Variants in FMN2 observed in about 807,000 individuals in gnomAD.
FMN2 encodes formin 2, also known as formin-2.
Under a neutral mutation model 142.3 loss-of-function variants are expected in FMN2, and 51 were observed. The observed-to-expected ratio is 0.36, with a 90% CI of 0.29 to 0.45. The LOEUF is 0.45. FMN2 is among the 20% of genes least tolerant of loss of function. The pLI is 1.00. For synonymous variants in FMN2, 882 were observed against 869.8 expected, an observed-to-expected ratio of 1.01 and a Z score of -0.25; for missense variants, 1,936 against 2,122.8, an observed-to-expected ratio of 0.91 and a Z score of 1.73.
intron 15 of FMN2, among the ~76,000 whole-genome samples, chr1:240,396,546 A>G (rs773930859): frequency 2.6e-5 from 4 of 151,946 alleles, no homozygotes; most frequent in Non-Finnish European, 5.9e-5. Flanking sequence ...TAGAATCTAA[A>G]TGGTTCTGTC....
rs1259612812 is a variant in FMN2 at position 240,413,120 on chromosome 1, C to CTCAAAAAAAAAAAAAAAAAA, written c.4910+20558_4910+20559insTCAAAAAAAAAAAAAAAAAA. Among the ~76,000 whole-genome samples, 2 of 24,566 alleles carry CTCAAAAAAAAAAAAAAAAAA rather than the reference C, an allele frequency of 8.1e-5. 1 individual carries two copies. Among genetic ancestry groups the CTCAAAAAAAAAAAAAAAAAA allele is most frequent in the African/African-American group, 2.3e-4 (2 of 8,612 alleles). The allele number at this position is 24,566 out of a possible 152,430, so 16.1% of individuals were successfully genotyped here. A position where few individuals can be genotyped will look rare whatever the true frequency, so the allele number is the denominator to read the frequency against. Reference sequence around the variant, plus strand: ...CCTGGGCGACAAAGCGAGACTCTGTCAAAAAAAAAAAAAAAAAAAAAAAAA... The same window carrying CTCAAAAAAAAAAAAAAAAAA: ...CCTGGGCGACAAAGCGAGACTCTGTCTCAAAAAAAAAAAAAAAAAAAAAAAAAAAAAAAAAAAAAAAAAAA... On this transcript the variant is annotated intron_variant, in intron 15 of 17. Transcript: ENST00000319653.
At chr1:240,474,075 AT>A in intron 17 of FMN2, 52 bp from the exon 18 acceptor site, 2 of 1,492,276 alleles carry the variant, frequency 1.3e-6, no homozygotes, top group Non-Finnish European at 1.8e-6. Context: ...AATTCTTTCC[AT>A]TTTTAAAAGT....
At chr1:240,382,423 G>A (rs1438736299) in intron 14 of FMN2, among the ~76,000 whole-genome samples, 2 of 152,158 alleles carry the variant, frequency 1.3e-5, no homozygotes, top group African/African-American at 4.8e-5. Context: ...CACTTTGGGA[G>A]GTCAAGGAGG....
rs1676902715 is a variant in FMN2 at position 240,474,291 on chromosome 1, A to G, written c.*137A>G. 1.3e-6 allele frequency: 1 copy of G among 762,552 alleles called. No individual in the cohort carries two copies. Among genetic ancestry groups the G allele is most frequent in the African/African-American group, 1.9e-5 (1 of 53,926 alleles). The allele number at this position is 762,552 out of a possible 1,614,324, so 47.2% of individuals were successfully genotyped here. A position where few individuals can be genotyped will look rare whatever the true frequency, so the allele number is the denominator to read the frequency against. The stretch of plus-strand genomic sequence containing the variant: ...CTTGCATAATCTTTTTGTTTTCTAG[A>G]CAGTTCACTAATTGTTGAATTTTAC... On this transcript the variant is annotated 3_prime_UTR_variant, in exon 18 of 18. Coordinates refer to ENST00000319653, the MANE Select transcript of FMN2 (RefSeq NM_020066.5).
At chr1:240,375,012 GTTA>G (rs1046068035) in intron 14 of FMN2, among the ~76,000 whole-genome samples, 3 of 152,264 alleles carry the variant, frequency 2.0e-5, no homozygotes, top group Non-Finnish European at 4.4e-5. Flanking sequence ...ACATTGTAGG[GTTA>G]TTAATTGGCC....
chr1:240,258,687 C>A (rs755798798), intron 7 of FMN2, among the ~76,000 whole-genome samples: 4 of 152,158 alleles, frequency 2.6e-5, no homozygotes, highest in Non-Finnish European at 4.4e-5. Context: ...TATTTTAATA[C>A]TTGGATTCTA....
chr1:240,332,098 A>G lies in FMN2; in HGVS notation c.4584+1349A>G, dbSNP rs144149308. ...TGCAATATTCTTTCATTGAGCATCT[A>G]TGGAATGTGGACACTGCTCTTCCAA... On this transcript the variant is annotated intron_variant, in intron 11 of 17. Transcript: ENST00000319653. Among the ~76,000 whole-genome samples the G allele has an allele frequency of 4.4e-4, 67 of 152,298 alleles. No homozygotes were observed. The East Asian group carries it at 0.012, about 27-fold the overall frequency.
intron 15 of FMN2, among the ~76,000 whole-genome samples, chr1:240,396,450 T>C (rs1673780583): frequency 6.6e-6 from 1 of 152,026 alleles, no homozygotes; most frequent in African/African-American, 2.4e-5. Flanking sequence ...AATCTTTTTT[T>C]TTTTTCTCTT....
At chr1:240,421,677 TATG>T (rs746513986) in intron 15 of FMN2, among the ~76,000 whole-genome samples, 133 of 152,336 alleles carry the variant, frequency 8.7e-4, no homozygotes, top group Non-Finnish European at 1.7e-3. Flanking sequence ...CATTTTTTAT[TATG>T]ACCAATAATT....
At chr1:240,167,479 TC>T (rs1664526575) in intron 2 of FMN2, among the ~76,000 whole-genome samples, 1 of 152,190 alleles carries the variant, frequency 6.6e-6, no homozygotes, top group Admixed American at 6.5e-5. Context: ...TCTCAGTTCA[TC>T]CTGGGGTTTA....
chr1:240,265,855 G>T (rs1668777813), intron 7 of FMN2, among the ~76,000 whole-genome samples: 1 of 151,230 alleles, frequency 6.6e-6, no homozygotes, highest in Admixed American at 6.6e-5. Flanking sequence ...ACCTATGTCT[G>T]TAGGCTTTGG....
At chr1:240,344,264 T>C (rs566074273) in intron 13 of FMN2, among the ~76,000 whole-genome samples, 1 of 152,350 alleles carries the variant, frequency 6.6e-6, no homozygotes, top group Admixed American at 6.5e-5. Flanking sequence ...GTGTTCTAGA[T>C]AGTAACTGTT....
At chr1:240,158,963 CA>C (rs1246924785) in intron 2 of FMN2, among the ~76,000 whole-genome samples, 3 of 151,884 alleles carry the variant, frequency 2.0e-5, no homozygotes, top group East Asian at 3.9e-4. Flanking sequence ...TATCTGGAAC[CA>C]ATAAGAAGAT....
chr1:240,437,538 G>C (rs1230973946), intron 15 of FMN2, among the ~76,000 whole-genome samples: 1 of 151,884 alleles, frequency 6.6e-6, no homozygotes, highest in Non-Finnish European at 1.5e-5. Context: ...TCCTGACCTC[G>C]TGATCCACCC....
chr1:240,168,852 T>G (rs1664587092), intron 2 of FMN2, among the ~76,000 whole-genome samples: 1 of 152,028 alleles, frequency 6.6e-6, no homozygotes, highest in South Asian at 2.1e-4. Flanking sequence ...CACTGTTTTT[T>G]TAAATAACAA....
intron 2 of FMN2, among the ~76,000 whole-genome samples, chr1:240,140,174 C>T (rs1663120866): frequency 6.6e-6 from 1 of 151,980 alleles, no homozygotes; most frequent in Admixed American, 6.6e-5. Flanking sequence ...AGTGTGTAAC[C>T]AGTTTGCAGG....
At chr1:240,132,229 T>C (rs1339722280) in intron 2 of FMN2, among the ~76,000 whole-genome samples, 6 of 152,172 alleles carry the variant, frequency 3.9e-5, no homozygotes, top group African/African-American at 9.7e-5. Context: ...TTTGGGACTT[T>C]ATGGAGGCTA....
At chr1:240,289,759 A>G (rs1177251624) in intron 7 of FMN2, among the ~76,000 whole-genome samples, 1 of 152,208 alleles carries the variant, frequency 6.6e-6, no homozygotes, top group African/African-American at 2.4e-5. Context: ...GTGAAAGATC[A>G]ACAAATTTGT....
intron 4 of FMN2, 65 bp downstream of exon 4, chr1:240,188,327 C>G: frequency 2.6e-6 from 4 of 1,543,686 alleles, no homozygotes; most frequent in Non-Finnish European, 2.7e-6. Context: ...TTGTGACAGA[C>G]TCTGCGATTT....
Sources: gnomAD v4.1 joint callset for allele counts (sites outside exome capture counted in the v4.1 genomes callset) on GRCh38, gnomAD v4.1.1 for gene constraint, MANE v1.5 for transcripts, NCBI Gene and HGNC (gene_info 2026-07-23, HGNC 2026-07-21) for gene names.